LTBP2: variants seen among roughly 807,000 people sequenced by gnomAD.
LTBP2 encodes latent transforming growth factor beta binding protein 2, also known as latent-transforming growth factor beta-binding protein 2.
LTBP2 carries 103 observed loss-of-function variants against 210.6 expected under a neutral mutation model. That is an observed-to-expected ratio of 0.49 (90% CI 0.42 to 0.58). The LOEUF (loss-of-function observed/expected upper bound fraction) is 0.58. Among genes scored for constraint, LTBP2 ranks in the 20% least tolerant of loss-of-function variants. The probability of loss-of-function intolerance (pLI) is 0.00; values close to 1 mark genes in which losing one functional copy is unlikely to be tolerated. For missense variants in LTBP2, 2,313 were observed against 2,494.5 expected (o/e 0.93, Z 1.55); for synonymous variants, 1,007 against 1,015.0 (o/e 0.99, Z 0.15).
rs369840829 is a variant in LTBP2 at position 74,509,835 on chromosome 14, G to A, written c.3176C>T (p.Ala1059Val). ...CQDVDECASR[A>V]SCPTGLCLNT... ...GAGGCAGAGGCCTGTGGGGCATGAG[G>A]CCCGGCTGGCACACTCATCCACATC... The change falls in exon 21 of 36, where the codon GCC (alanine) becomes GTC (valine). Residue 1059 changes from alanine to valine, a missense_variant. Ala to Val is a moderately conservative substitution (Grantham distance 64). Around this residue, in one of 3 missense-constraint regions of LTBP2, gnomAD observed 1,867 missense variants for 1,976.9 expected, o/e 0.94. Coordinates refer to ENST00000261978, the MANE Select transcript of LTBP2 (RefSeq NM_000428.3). 1.9e-6 allele frequency: 3 copies of A among 1,613,892 alleles called. No homozygotes were observed. The highest frequency in any genetic ancestry group is 2.5e-6 in the Non-Finnish European group (3 of 1,180,028).
At position 74,516,715 on chromosome 14, in the gene LTBP2, G is replaced by A. The variant is rs2087139070; in HGVS notation, c.2908+107C>T. The A allele has an allele frequency of 2.1e-6, 3 of 1,442,094 alleles. No homozygotes were observed. The South Asian group carries it at 3.7e-5, about 18-fold the overall frequency. 89.3% of individuals were successfully genotyped at this position (1,442,094 alleles called of 1,614,324 possible). ...CATAGACGTGGGCTCAGCATCAAGG[G>A]GCCAGGGCAGAGACAAGCCAGAAGG... On this transcript the variant is annotated intron_variant, in intron 18 of 35. Transcript: ENST00000261978.
intron 3 of LTBP2, among the ~76,000 whole-genome samples, chr14:74,581,792 G>A (rs2088139769): frequency 1.3e-5 from 2 of 152,048 alleles, no homozygotes; most frequent in African/African-American, 4.8e-5. Context: ...TTTTGTGATC[G>A]TGTGTCATGG....
At chr14:74,567,941 T>G (rs947510242) in intron 3 of LTBP2, among the ~76,000 whole-genome samples, 8 of 152,118 alleles carry the variant, frequency 5.3e-5, no homozygotes, top group East Asian at 1.9e-4. Flanking sequence ...CTGGATTTCA[T>G]GAATTCGTCG....
At chr14:74,559,307 T>C (rs1358037095) in intron 3 of LTBP2, among the ~76,000 whole-genome samples, 1 of 152,194 alleles carries the variant, frequency 6.6e-6, no homozygotes, top group Non-Finnish European at 1.5e-5. Flanking sequence ...CGGAGTCCTC[T>C]GAGCCTAATT....
intron 8 of LTBP2, among the ~76,000 whole-genome samples, chr14:74,543,516 G>GCCTTCCTTCCCTCCCTTTTT (rs1281872801): frequency 2.5e-5 from 2 of 78,856 alleles, no homozygotes; most frequent in Non-Finnish European, 5.6e-5. Context: ...CTGCCTGCCT[G>GCCTTCCTTCCCTCCCTTTTT]CCTGCCTGCC....
Position 74,503,270 on chromosome 14 carries a change from C to T in LTBP2, c.4837G>A (p.Asp1613Asn), listed in dbSNP as rs2086936775. 3 of 1,614,114 alleles carry T rather than the reference C, an allele frequency of 1.9e-6. No homozygotes were observed. Among genetic ancestry groups the T allele is most frequent in the Non-Finnish European group, 2.5e-6 (3 of 1,180,046 alleles). ...RTTYTECCCQ[D>N]GEAWSQQCAL... The stretch of plus-strand genomic sequence containing the variant: ...CACTGCTGGCTCCAGGCCTCGCCGT[C>T]CTGGCAGCAGCATTCCGTGTAGGTG... The change falls in exon 33 of 36, where the codon GAC becomes AAC. Residue 1613 changes from aspartate to asparagine, a missense_variant. Coordinates refer to ENST00000261978, the MANE Select transcript of LTBP2 (RefSeq NM_000428.3).
At chr14:74,608,636 G>C (rs532257624) in intron 1 of LTBP2, among the ~76,000 whole-genome samples, 8 of 151,618 alleles carry the variant, frequency 5.3e-5, no homozygotes, top group African/African-American at 1.9e-4. Flanking sequence ...CTTGAGCCTC[G>C]GGGGTGGAGG....
At chr14:74,561,547 T>C (rs924620062) in intron 3 of LTBP2, among the ~76,000 whole-genome samples, 13 of 152,186 alleles carry the variant, frequency 8.5e-5, no homozygotes, top group Non-Finnish European at 8.8e-5. Flanking sequence ...CTGTAAATAG[T>C]GGCCACTCTT....
chr14:74,543,901 C>T (rs919639284), intron 8 of LTBP2, among the ~76,000 whole-genome samples: 3 of 152,178 alleles, frequency 2.0e-5, no homozygotes, highest in African/African-American at 7.2e-5. Flanking sequence ...AAAGTCACCA[C>T]AAACAGTGAG....
chr14:74,589,052 G>A (rs1030855025), intron 2 of LTBP2, among the ~76,000 whole-genome samples: 1 of 152,232 alleles, frequency 6.6e-6, no homozygotes, highest in Non-Finnish European at 1.5e-5. Context: ...ACTCTGCCCT[G>A]AGAAACTGCA....
In LTBP2 at chr14:74,528,588, C is replaced by G. The variant is rs777092299; in HGVS notation, c.2263G>C (p.Glu755Gln). The G allele has an allele frequency of 6.2e-7, 1 of 1,613,548 alleles. No homozygotes were observed. The highest frequency in any genetic ancestry group is 8.5e-7 in the Non-Finnish European group (1 of 1,180,056). ...EEEELARPPR[E>Q]QGQRSSGALP... is the part of the protein sequence containing the mutation. ...GCCCCGCTGCTCCTCTGCCCTTGCTCCCTTGGGGGCCTTGCCAGTTCCTCC... is the reference window on the plus strand; with the variant it reads ...GCCCCGCTGCTCCTCTGCCCTTGCTGCCTTGGGGGCCTTGCCAGTTCCTCC... The change falls in exon 12 of 36, where the codon GAG (glutamate) becomes CAG (glutamine). Residue 755 changes from glutamate (E) to glutamine (Q), a missense_variant. By Grantham distance (29) the Glu-to-Gln change is conservative. Around this residue, in one of 3 missense-constraint regions of LTBP2, gnomAD observed 1,867 missense variants for 1,976.9 expected, o/e 0.94. Coordinates refer to ENST00000261978, the MANE Select transcript of LTBP2 (RefSeq NM_000428.3).
In LTBP2 at chr14:74,586,220, C is replaced by G; in HGVS notation, c.566-102G>C. On this transcript the variant is annotated intron_variant, in intron 2 of 35. Coordinates refer to ENST00000261978, the MANE Select transcript of LTBP2 (RefSeq NM_000428.3). The surrounding 1 kb of genome is among the most constrained non-coding windows in gnomAD (Gnocchi z 4.6). Reference sequence around the variant, plus strand: ...AAGGGCCCTCCTGAGTGCTGCAACCCTGTCGCTCAAGCAGGAAGCCACTCT... The same window carrying G: ...AAGGGCCCTCCTGAGTGCTGCAACCGTGTCGCTCAAGCAGGAAGCCACTCT... 1.5e-6 allele frequency: 2 copies of G among 1,349,400 alleles called. No homozygotes were observed. The highest frequency in any genetic ancestry group is 2.0e-6 in the Non-Finnish European group (2 of 990,172). 83.6% of individuals were successfully genotyped at this position (1,349,400 alleles called of 1,614,324 possible).
chr14:74,592,960 C>G (rs182836877), intron 2 of LTBP2, among the ~76,000 whole-genome samples: 7 of 152,164 alleles, frequency 4.6e-5, no homozygotes, highest in African/African-American at 1.7e-4. Context: ...TCCACACCCC[C>G]CTGGCCCGCT....
chr14:74,587,147 C>G (rs147017599), intron 2 of LTBP2, among the ~76,000 whole-genome samples: 1 of 152,292 alleles, frequency 6.6e-6, no homozygotes, highest in Admixed American at 6.5e-5. Flanking sequence ...GCCCCTCCCC[C>G]ACCAGGACCT....
chr14:74,557,092 T>A (rs752533076), intron 3 of LTBP2, among the ~76,000 whole-genome samples: 3 of 152,018 alleles, frequency 2.0e-5, no homozygotes, highest in Non-Finnish European at 2.9e-5. Context: ...TGAAACCCCA[T>A]CTCTACTAAA....
chr14:74,560,576 G>A (rs1034473480), intron 3 of LTBP2, among the ~76,000 whole-genome samples: 2 of 152,206 alleles, frequency 1.3e-5, no homozygotes, highest in Non-Finnish European at 2.9e-5. Flanking sequence ...ACAAGTGGGC[G>A]AGGAGCTCTG....
In LTBP2 at chr14:74,503,518, G is replaced by A. The variant is rs2099255323; in HGVS notation, c.4671C>T (p.Leu1557=). ...GSFHCFCSPP[L]TLDLSQQRCM... is the part of the protein sequence containing the mutation. Reference sequence around the variant, plus strand: ...AGCGCTGCTGGCTGAGGTCCAGGGTGAGCGGGGGGCTGCAGAAGCAGTGGA... The same window carrying A: ...AGCGCTGCTGGCTGAGGTCCAGGGTAAGCGGGGGGCTGCAGAAGCAGTGGA... The change falls in exon 32 of 36, where the codon CTC becomes CTT. Residue 1557 remains leucine (L), a synonymous_variant. Coordinates refer to ENST00000261978, the MANE Select transcript of LTBP2 (RefSeq NM_000428.3). 1 of 1,613,248 alleles carries A rather than the reference G, an allele frequency of 6.2e-7. No individual in the cohort carries two copies. The highest frequency in any genetic ancestry group is 1.3e-5 in the African/African-American group (1 of 74,918).
At chr14:74,570,507 G>A (rs1000238644) in intron 3 of LTBP2, among the ~76,000 whole-genome samples, 4 of 152,282 alleles carry the variant, frequency 2.6e-5, no homozygotes, top group East Asian at 3.9e-4. Flanking sequence ...AATTTACCCC[G>A]GGGCCATAAA....
At chr14:74,519,996 C>T (rs1355803316) in intron 17 of LTBP2, among the ~76,000 whole-genome samples, 3 of 152,236 alleles carry the variant, frequency 2.0e-5, no homozygotes, top group Middle Eastern at 3.2e-3. Flanking sequence ...CTGACCCAGT[C>T]ACCACTGTTC....
Sources: gnomAD v4.1 joint callset for allele counts (sites outside exome capture counted in the v4.1 genomes callset) on GRCh38, gnomAD v4.1.1 for gene constraint, gnomAD v4.1.1 regional missense constraint, Gnocchi (gnomAD v3.1) non-coding constraint, MANE v1.5 for transcripts, NCBI Gene and HGNC (gene_info 2026-07-23, HGNC 2026-07-21) for gene names.